The following PCDHGA6 variants were observed in gnomAD, a reference collection of about 807,000 sequenced individuals.
PCDHGA6 encodes the protein protocadherin gamma subfamily A, 6.
In PCDHGA6, 41 loss-of-function variants were observed where a neutral mutation model predicts 60.6. The ratio of observed to expected loss-of-function variants is 0.68; its 90% CI spans 0.53 to 0.88. PCDHGA6 has a LOEUF of 0.88. PCDHGA6 is among the 40% of genes least tolerant of loss of function. PCDHGA6 has a pLI of 0.00. For synonymous variants in PCDHGA6, 594 were observed against 524.4 expected, an observed-to-expected ratio of 1.13 and a Z score of -1.81; for missense variants, 1,312 against 1,203.0, an observed-to-expected ratio of 1.09 and a Z score of -1.34.
At chr5:141,387,955 T>C in intron 1 of PCDHGA6, 1 of 1,493,874 alleles carries the variant, frequency 6.7e-7, no homozygotes. Flanking sequence ...CTGCTGTCTT[T>C]GTTCTGCCCG....
chr5:141,501,288 T>TACAC (rs1562199973), intron 2 of PCDHGA6, among the ~76,000 whole-genome samples: 2 of 81,228 alleles, frequency 2.5e-5, no homozygotes, highest in Admixed American at 1.6e-4. Flanking sequence ...GATATTCCCT[T>TACAC]ATACACACAC....
At chr5:141,398,416 G>A (rs2093654818) in intron 1 of PCDHGA6, 3 of 1,496,580 alleles carry the variant, frequency 2.0e-6, no homozygotes, top group South Asian at 1.1e-5. Flanking sequence ...GGAGATATGC[G>A]GGAAGAAGCC....
At chr5:141,484,877 G>T in intron 1 of PCDHGA6, 1 of 338,660 alleles carries the variant, frequency 3.0e-6, no homozygotes, top group Non-Finnish European at 5.4e-6. Context: ...GTGGAGGATA[G>T]GGTGGGCTTT....
chr5:141,410,737 C>A, intron 1 of PCDHGA6: 1 of 1,295,554 alleles, frequency 7.7e-7, no homozygotes, highest in East Asian at 2.5e-5. Context: ...TAGCTTTTTA[C>A]AATATTTTCT....
At position 141,493,188 on chromosome 5, in the gene PCDHGA6, C is replaced by T. The variant is rs1292810486; in HGVS notation, c.2425-1619C>T. Among the ~76,000 whole-genome samples the T allele has an allele frequency of 2.6e-5, 4 of 152,216 alleles. No individual in the cohort carries two copies. Among genetic ancestry groups the T allele is most frequent in the Non-Finnish European group, 4.4e-5 (3 of 68,046 alleles). ...ATTGAGAGAAACTTACTATATAACT[C>T]CTTTGAGAACCTCATCTCATTTGCT... On this transcript the variant is annotated intron_variant, in intron 1 of 3. Coordinates refer to ENST00000517434, the MANE Select transcript of PCDHGA6 (RefSeq NM_018919.3). The surrounding 1 kb of genome is among the most constrained non-coding windows in gnomAD (Gnocchi z 4.3).
intron 1 of PCDHGA6, chr5:141,421,355 G>C (rs1561793348): frequency 6.2e-7 from 1 of 1,613,990 alleles, no homozygotes. Flanking sequence ...ACCGAAAAGG[G>C]CTCCTTCGTG....
chr5:141,381,826 C>CTTTTTTTTTTTTTTTTTTT (rs770630741), intron 1 of PCDHGA6, among the ~76,000 whole-genome samples: 6 of 74,282 alleles, frequency 8.1e-5, no homozygotes, highest in Non-Finnish European at 9.4e-5. Context: ...CTTTCTTCTT[C>CTTTTTTTTTTTTTTTTTTT]TTTTTTTTTT....
At chr5:141,383,425 C>T in intron 1 of PCDHGA6, 1 of 1,613,980 alleles carries the variant, frequency 6.2e-7, no homozygotes, top group Non-Finnish European at 8.5e-7. Context: ...CAGCCCCAAT[C>T]GCCACTTCTC....
Position 141,374,676 on chromosome 5 carries a change from G to A in PCDHGA6, c.593G>A (p.Gly198Asp), listed in dbSNP as rs372705367. 2.7e-5 allele frequency: 43 copies of A among 1,610,386 alleles called. No homozygotes were observed. In the African/African-American group the frequency reaches 5.5e-4, roughly 21 times the overall value. The change falls in exon 1 of 4, where the codon GGC becomes GAC. Residue 198 changes from glycine to aspartate, a missense_variant. Transcript: ENST00000517434. The stretch of plus-strand genomic sequence containing the variant: ...AAGTACCCGGAGCTGGTGCTGGAGG[G>A]CACACTGGACCGGGAAGGAGAAGCC... ...GPKYPELVLE[G>D]TLDREGEAVY...
At chr5:141,435,593 G>A (rs183768133) in intron 1 of PCDHGA6, among the ~76,000 whole-genome samples, 9 of 152,112 alleles carry the variant, frequency 5.9e-5, no homozygotes, top group Admixed American at 2.6e-4. Flanking sequence ...CAGTAATATC[G>A]CCTGCTTTTT....
rs748105196 is a variant in PCDHGA6 at position 141,486,849 on chromosome 5, A to G, written c.2425-7958A>G. ...GTTCGTCTATTTGTGCTGGACCTCA[A>G]TGACAATGCTCCAGCTGTGCTCCGT... is the stretch of plus-strand genomic sequence containing the variant. On this transcript the variant is annotated intron_variant, in intron 1 of 3. Coordinates refer to ENST00000517434, the MANE Select transcript of PCDHGA6 (RefSeq NM_018919.3). The surrounding 1 kb of genome is among the most constrained non-coding windows in gnomAD (Gnocchi z 5.0). 4.3e-6 allele frequency: 7 copies of G among 1,614,110 alleles called. No individual in the cohort carries two copies. The highest frequency in any genetic ancestry group is 5.1e-6 in the Non-Finnish European group (6 of 1,180,036).
intron 1 of PCDHGA6, chr5:141,419,386 G>T: frequency 2.5e-6 from 4 of 1,613,650 alleles, no homozygotes; most frequent in Non-Finnish European, 3.4e-6. Context: ...CCGTGAGCGC[G>T]CAGAGCGGGG....
intron 1 of PCDHGA6, chr5:141,413,176 A>T: frequency 6.2e-7 from 1 of 1,601,892 alleles, no homozygotes; most frequent in Non-Finnish European, 8.5e-7. Context: ...CCAGACTACA[A>T]TGGCCGCTCA....
intron 1 of PCDHGA6, chr5:141,421,683 A>G (rs1238944281): frequency 1.2e-6 from 2 of 1,613,758 alleles, no homozygotes; most frequent in African/African-American, 1.3e-5. Flanking sequence ...CTGGGGCGCG[A>G]TTTGCTCTTC....
At chr5:141,427,924 G>A (rs1440880400) in intron 1 of PCDHGA6, 8 of 1,580,024 alleles carry the variant, frequency 5.1e-6, no homozygotes, top group East Asian at 2.2e-5. Context: ...ATGAGCCGGC[G>A]CATGTTGGTG....
chr5:141,460,128 T>C (rs10051366), intron 1 of PCDHGA6, among the ~76,000 whole-genome samples: 42,386 of 151,808 alleles, frequency 0.28, 6,635 homozygotes, highest in African/African-American at 0.43. Context: ...ATATGTAATA[T>C]ATATATTCTT....
chr5:141,453,888 C>T (rs1273180395), intron 1 of PCDHGA6, among the ~76,000 whole-genome samples: 2 of 152,198 alleles, frequency 1.3e-5, no homozygotes, highest in East Asian at 1.9e-4. Flanking sequence ...TGTGGCCAAT[C>T]ACATGACTTC....
rs1265360670 is a variant in PCDHGA6, at chr5:141,435,001, T to A, written c.2424+58494T>A. On this transcript the variant is annotated intron_variant, in intron 1 of 3. Transcript: ENST00000517434. ...TACTCTATATCATTTTCTAGCTGAATTTATCAATGATAATGCTCTTTTCCC... is the reference window on the plus strand; with the variant it reads ...TACTCTATATCATTTTCTAGCTGAAATTATCAATGATAATGCTCTTTTCCC... Among the ~76,000 whole-genome samples the A allele has an allele frequency of 3.9e-5, 6 of 152,120 alleles. No homozygotes were observed. In the East Asian group the frequency reaches 1.2e-3, roughly 29 times the overall value.
At position 141,494,925 on chromosome 5, in the gene PCDHGA6, G is replaced by A. The variant is rs936071950; in HGVS notation, c.2483+60G>A. On this transcript the variant is annotated intron_variant, in intron 2 of 3. Coordinates refer to ENST00000517434, the MANE Select transcript of PCDHGA6 (RefSeq NM_018919.3). ...TGCGGCATTTTCTCAGGGATGACGT[G>A]GGAGGAGATGGGGGAGGGCCCAGCA... is the stretch of plus-strand genomic sequence containing the variant. The A allele has an allele frequency of 3.3e-4, 525 of 1,613,316 alleles. 2 individuals carry two copies. Among genetic ancestry groups the A allele is most frequent in the Admixed American group, 4.7e-4 (28 of 59,956 alleles).
Sources: allele counts gnomAD v4.1 joint callset (sites outside exome capture counted in the v4.1 genomes callset), GRCh38; gene constraint gnomAD v4.1.1; non-coding constraint Gnocchi (gnomAD v3.1); transcripts MANE v1.5; gene names NCBI Gene and HGNC (gene_info 2026-07-23, HGNC 2026-07-21).